SYTL2: variants seen among roughly 807,000 people sequenced by gnomAD.
SYTL2 encodes the protein synaptotagmin like 2, also known as synaptotagmin-like protein 2.
A neutral mutation model predicts 198.7 loss-of-function variants in SYTL2; 165 were observed. That is an observed-to-expected ratio of 0.83 (90% CI 0.73 to 0.94). SYTL2 has a LOEUF of 0.94. SYTL2 is among the 40% of genes least tolerant of loss of function. SYTL2 has a pLI of 0.00. For missense variants in SYTL2, 2,835 were observed against 2,582.8 expected, an observed-to-expected ratio of 1.10 and a Z score of -2.12; for synonymous variants, 966 against 917.7, an observed-to-expected ratio of 1.05 and a Z score of -0.95.
chr11:85,840,413 T>C, the SYTL2 span, among the ~76,000 whole-genome samples: 1 of 152,180 alleles, frequency 6.6e-6, no homozygotes, highest in Non-Finnish European at 1.5e-5. Flanking sequence ...AGTAGTTTCA[T>C]AGTTTGAGGG....
chr11:85,772,301 C>T (rs185035329), intron 1 of SYTL2, among the ~76,000 whole-genome samples: 3 of 152,294 alleles, frequency 2.0e-5, no homozygotes, highest in Admixed American at 1.3e-4. Context: ...GCTTTTACTT[C>T]GCCTATCTTC....
intron 1 of SYTL2, among the ~76,000 whole-genome samples, chr11:85,785,136 C>A (rs550874499): frequency 1.3e-5 from 2 of 152,256 alleles, no homozygotes; most frequent in African/African-American, 4.8e-5. Flanking sequence ...CATGTATGGT[C>A]GCTGAGTGAA....
chr11:85,852,764 T>C, the SYTL2 span: 2 of 239,086 alleles, frequency 8.4e-6, no homozygotes, highest in African/African-American at 2.4e-5. Context: ...CCTCCCAAAG[T>C]GCCAAGATTG....
chr11:85,809,512 C>T (rs2093003193), intron 1 of SYTL2, among the ~76,000 whole-genome samples: 1 of 152,202 alleles, frequency 6.6e-6, no homozygotes, highest in Non-Finnish European at 1.5e-5. Context: ...TTCCAGCTTG[C>T]TCTTACTTAA....
At chr11:85,720,768 C>T (rs765806424) in intron 9 of SYTL2, 90 bp downstream of exon 9, 23 of 901,688 alleles carry the variant, frequency 2.6e-5, no homozygotes, top group Non-Finnish European at 4.0e-5. Context: ...GGGTGCAGTG[C>T]ACAACAGCAC....
intron 4 of SYTL2, among the ~76,000 whole-genome samples, chr11:85,743,559 G>T (rs184985751): frequency 6.6e-6 from 1 of 151,996 alleles, no homozygotes; most frequent in East Asian, 1.9e-4. Flanking sequence ...ACAATGTCCT[G>T]GTGAGGAAAT....
At position 85,718,804 on chromosome 11, in the gene SYTL2, C is replaced by T. The variant is rs766625235; in HGVS notation, c.5468G>A (p.Arg1823His). The T allele has an allele frequency of 9.9e-5, 159 of 1,613,356 alleles. No homozygotes were observed. The highest frequency in any genetic ancestry group is 2.4e-4 in the African/African-American group (18 of 74,880). The stretch of plus-strand genomic sequence containing the variant: ...AAGATATTTACCATCTTCAGCACTA[C>T]GCACTAATTCTTCTGGCTGATTATC... ...KVDNQPEELV[R>H]SAEDDEKPDQ... Residue 1823 changes from arginine (R) to histidine (H), a missense_variant, in exon 10 of 20, where the codon CGT becomes CAT. By Grantham distance (29) the Arg-to-His change is conservative. This residue lies in a region of SYTL2 where 2,645 missense variants were observed against 2,381.7 expected (regional missense o/e 1.11). Coordinates refer to ENST00000359152, the MANE Select transcript of SYTL2 (RefSeq NM_206927.4).
chr11:85,698,230 C>CT, intron 17 of SYTL2, 152 bp from the exon 18 acceptor site: 1 of 583,928 alleles, frequency 1.7e-6, no homozygotes, highest in Non-Finnish European at 3.0e-6. Context: ...ACAGTCTTAA[C>CT]TAAGTCTTCA....
In SYTL2 at chr11:85,697,984, A is replaced by C; in HGVS notation, c.6363T>G (p.Val2121=). Reference sequence around the variant, plus strand: ...AGAGTCATCAATACTATTACCATTTAACAAAAGAATTTAGATGACTTCCCC... The same window carrying C: ...AGAGTCATCAATACTATTACCATTTCACAAAAGAATTTAGATGACTTCCCC... The part of the protein sequence containing the change: ...LLRGSHLNSF[V]KCTILPDTSR... The change falls in exon 18 of 20, where the codon GTT becomes GTG. Residue 2121 remains valine (V), a synonymous_variant. Transcript: ENST00000359152. 4.4e-6 allele frequency: 7 copies of C among 1,608,302 alleles called. No individual in the cohort carries two copies. The highest frequency in any genetic ancestry group is 6.0e-6 in the Non-Finnish European group (7 of 1,174,802).
At chr11:85,846,593 A>G in the SYTL2 span, among the ~76,000 whole-genome samples, 14 of 151,854 alleles carry the variant, frequency 9.2e-5, no homozygotes, top group Middle Eastern at 3.4e-3. Context: ...ACACCCAGCT[A>G]ATTTTGAATT....
intron 18 of SYTL2, 42 bp from the exon 19 acceptor site, chr11:85,696,430 A>T: frequency 6.8e-7 from 1 of 1,465,756 alleles, no homozygotes; most frequent in South Asian, 1.1e-5. Context: ...TTAGTAAGAT[A>T]GTGAACATTC....
chr11:85,709,724 C>T (rs985145594), intron 13 of SYTL2, among the ~76,000 whole-genome samples: 1 of 152,132 alleles, frequency 6.6e-6, no homozygotes, highest in Non-Finnish European at 1.5e-5. Context: ...ACTCTGTTGC[C>T]CAGGATGGAG....
intron 1 of SYTL2, among the ~76,000 whole-genome samples, chr11:85,763,946 C>T (rs2092166911): frequency 6.6e-6 from 1 of 152,204 alleles, no homozygotes; most frequent in Non-Finnish European, 1.5e-5. Context: ...ACTCTTTGCT[C>T]ACCTCCCTCT....
intron 1 of SYTL2, among the ~76,000 whole-genome samples, chr11:85,804,288 T>C (rs2092929006): frequency 6.6e-6 from 1 of 152,236 alleles, no homozygotes; most frequent in Non-Finnish European, 1.5e-5. Flanking sequence ...TGTACCCTCA[T>C]TCTGCATCTA....
Position 85,720,924 on chromosome 11 carries a change from A to G in SYTL2, c.5362T>C (p.Leu1788=), listed in dbSNP as rs1460352743. The G allele has an allele frequency of 6.2e-7, 1 of 1,613,670 alleles. No individual in the cohort carries two copies. Among genetic ancestry groups the G allele is most frequent in the African/African-American group, 1.3e-5 (1 of 74,904 alleles). Residue 1788 remains leucine, a synonymous_variant, in exon 9 of 20, where the codon TTG becomes CTG. Coordinates refer to ENST00000359152, the MANE Select transcript of SYTL2 (RefSeq NM_206927.4). The part of the protein sequence containing the change: ...EEEPSPVLKT[L]ERSAARKMPS... Reference sequence around the variant, plus strand: ...ATTTTCCTAGCGGCACTCCTTTCCAAAGTTTTCAAAACAGGACTGGGTTCT... The same window carrying G: ...ATTTTCCTAGCGGCACTCCTTTCCAGAGTTTTCAAAACAGGACTGGGTTCT...
chr11:85,774,514 T>A (rs2153585173), intron 1 of SYTL2, among the ~76,000 whole-genome samples: 2 of 152,318 alleles, frequency 1.3e-5, no homozygotes, highest in South Asian at 4.1e-4. Flanking sequence ...AAACAGGAGC[T>A]GGGGTTTCCC....
rs560968350 is a variant in SYTL2, at chr11:85,737,314, C to CA, written c.471+260dup. 4.5e-3 allele frequency among the ~76,000 whole-genome samples: 692 copies of CA among 152,264 alleles called. 6 individuals carry two copies. The highest frequency in any genetic ancestry group is 7.5e-3 in the Non-Finnish European group (513 of 68,020). On this transcript the variant is annotated intron_variant, in intron 5 of 19. Transcript: ENST00000359152. ...TATTCCATATGCTAAAAAGCAGCAG[C>CA]ACCAAATAGCTTCAGACTTTTTACC...
At position 85,726,783 on chromosome 11, in the gene SYTL2, A is replaced by G; in HGVS notation, c.2575T>C (p.Leu859=). 6.5e-7 allele frequency: 1 copy of G among 1,536,196 alleles called. No homozygotes were observed. The highest frequency in any genetic ancestry group is 8.7e-7 in the Non-Finnish European group (1 of 1,146,884). The change falls in exon 8 of 20, where the codon TTA becomes CTA. Residue 859 remains leucine (L), a synonymous_variant. Transcript: ENST00000359152. ...TGGGATGCTTGATCATCCTCATCTA[A>G]GACCACTCGTTTGGGAATGGCCTGA... ...YNQAIPKRVV[L]DEDDQASQLS...
At chr11:85,789,334 GTGTGTGTATATATATATATA>G in intron 1 of SYTL2, among the ~76,000 whole-genome samples, 1 of 27,462 alleles carries the variant, frequency 3.6e-5, no homozygotes, top group African/African-American at 1.8e-4. Flanking sequence ...ATGTGTGTGT[GTGTGTGTATATATATATATA>G]TATATATATA....
Sources: gnomAD v4.1 joint callset for allele counts (sites outside exome capture counted in the v4.1 genomes callset) on GRCh38, gnomAD v4.1.1 for gene constraint, gnomAD v4.1.1 regional missense constraint, MANE v1.5 for transcripts, NCBI Gene and HGNC (gene_info 2026-07-23, HGNC 2026-07-21) for gene names.